IGSF3: variants seen among roughly 807,000 people sequenced by gnomAD.
IGSF3 encodes the protein immunoglobulin superfamily member 3.
IGSF3 carries 23 observed loss-of-function variants against 114.4 expected under a neutral mutation model. That is an observed-to-expected ratio of 0.20 (90% confidence interval 0.14 to 0.28). IGSF3 has a LOEUF of 0.28. Among genes scored for constraint, IGSF3 ranks in the 10% least tolerant of loss-of-function variants. IGSF3 has a pLI of 1.00. For synonymous variants in IGSF3, 571 were observed against 645.2 expected, an observed-to-expected ratio of 0.88 and a Z score of 1.74; for missense variants, 1,172 against 1,591.5, an observed-to-expected ratio of 0.74 and a Z score of 4.48.
rs1289544447 is a variant in IGSF3 at position 116,592,746 on chromosome 1, G to A, written c.2030-3642C>T. On this transcript the variant is annotated intron_variant, in intron 7 of 10. Transcript: ENST00000369486. This position sits in a 1 kb window ranked among gnomAD's most constrained non-coding sequence, Gnocchi z 4.5. ...AGCTGTGTTACTGCTGCCTTACAAC[G>A]AAGGTAATTCTTAAAATCTTCTCTT... Among the ~76,000 whole-genome samples, 6 of 152,164 alleles carry A rather than the reference G, an allele frequency of 3.9e-5. No homozygotes were observed. Among genetic ancestry groups the A allele is most frequent in the East Asian group, 1.9e-4 (1 of 5,194 alleles).
Position 116,594,491 on chromosome 1 carries a change from G to A in IGSF3, c.2030-5387C>T, listed in dbSNP as rs768372608. Among the ~76,000 whole-genome samples, 132 of 152,034 alleles carry A rather than the reference G, an allele frequency of 8.7e-4. No individual in the cohort carries two copies. The highest frequency in any genetic ancestry group is 1.6e-3 in the Non-Finnish European group (109 of 67,994). On this transcript the variant is annotated intron_variant, in intron 7 of 10. Transcript: ENST00000369486. The surrounding 1 kb of genome is among the most constrained non-coding windows in gnomAD (Gnocchi z 5.2). ...CATTTATTTAGCAAACTTTCATCTGGTCCTATGTGCTCAGCACTATTCTAA... is the reference window on the plus strand; with the variant it reads ...CATTTATTTAGCAAACTTTCATCTGATCCTATGTGCTCAGCACTATTCTAA...
intron 2 of IGSF3, among the ~76,000 whole-genome samples, chr1:116,663,790 A>G (rs1649215730): frequency 6.6e-6 from 1 of 152,078 alleles, no homozygotes. Flanking sequence ...TCTAACTAAA[A>G]TTGCCATTTC....
rs1648467307 is a variant in IGSF3, at chr1:116,647,878, C to T, written c.43+18406G>A. On this transcript the variant is annotated intron_variant, in intron 2 of 10. Coordinates refer to ENST00000369486, the MANE Select transcript of IGSF3 (RefSeq NM_001007237.3). The surrounding 1 kb of genome is among the most constrained non-coding windows in gnomAD (Gnocchi z 4.6). ...AAGCACTTTGGGAGGCCAAGGCGGG[C>T]GGATCACCTGAGGTCAGGAGTTCAA... Among the ~76,000 whole-genome samples the T allele has an allele frequency of 1.3e-5, 2 of 152,136 alleles. No individual in the cohort carries two copies. Among genetic ancestry groups the T allele is most frequent in the Non-Finnish European group, 2.9e-5 (2 of 68,020 alleles).
chr1:116,588,905 AGTACC>A lies in IGSF3; in HGVS notation c.2224_2228del (p.Gly742LeufsTer14). ...CTCTCAGGCCCTCCTCCTCGGCGTA[AGTACC>A]GTATTCAAAGGCGGAGTTGTGGGTG... On this transcript the variant is annotated frameshift_variant, in exon 8 of 11. Transcript: ENST00000369486. LOFTEE classifies it high-confidence loss of function. This position sits in a 1 kb window ranked among gnomAD's most constrained non-coding sequence, Gnocchi z 4.9. 1 of 1,614,194 alleles carries A rather than the reference AGTACC, an allele frequency of 6.2e-7. No individual in the cohort carries two copies. Among genetic ancestry groups the A allele is most frequent in the Non-Finnish European group, 8.5e-7 (1 of 1,180,030 alleles).
intron 2 of IGSF3, among the ~76,000 whole-genome samples, chr1:116,635,184 G>A (rs1437951391): frequency 1.3e-5 from 2 of 152,168 alleles, no homozygotes; most frequent in African/African-American, 4.8e-5. Flanking sequence ...AAATGTCTAG[G>A]CCCCATCTGT....
rs1197329136 is a variant in IGSF3, at chr1:116,596,796, T to G, written c.2029+3145A>C. ...TTACTATGGCACACTGGGCAATTTA[T>G]GTAACTTCTGTGTCAGTGTCCTCAT... On this transcript the variant is annotated intron_variant, in intron 7 of 10. Transcript: ENST00000369486. This position sits in a 1 kb window ranked among gnomAD's most constrained non-coding sequence, Gnocchi z 4.1. 1.3e-5 allele frequency among the ~76,000 whole-genome samples: 2 copies of G among 152,234 alleles called. No homozygotes were observed. The highest frequency in any genetic ancestry group is 2.4e-5 in the African/African-American group (1 of 41,462).
chr1:116,639,123 C>T (rs1307500128), intron 2 of IGSF3, among the ~76,000 whole-genome samples: 1 of 152,194 alleles, frequency 6.6e-6, no homozygotes, highest in East Asian at 1.9e-4. Context: ...AGCCCAGGGA[C>T]AGGTGAGGCA....
chr1:116,643,806 C>T (rs2101058721), intron 2 of IGSF3, among the ~76,000 whole-genome samples: 1 of 152,348 alleles, frequency 6.6e-6, no homozygotes, highest in South Asian at 2.1e-4. Flanking sequence ...AGTGAGGATG[C>T]TGAAGTCCAG....
In IGSF3 at chr1:116,588,501, G is replaced by A. The variant is rs1435585205; in HGVS notation, c.2440+193C>T. On this transcript the variant is annotated intron_variant, in intron 8 of 10. Coordinates refer to ENST00000369486, the MANE Select transcript of IGSF3 (RefSeq NM_001007237.3). This position sits in a 1 kb window ranked among gnomAD's most constrained non-coding sequence, Gnocchi z 4.9. ...GGATGCTTCCATGAGTCTGCCGTCA[G>A]CATCAGGACCCACTGCAGGTAAAAT... 6.6e-6 allele frequency among the ~76,000 whole-genome samples: 1 copy of A among 152,174 alleles called. No homozygotes were observed. Among genetic ancestry groups the A allele is most frequent in the African/African-American group, 2.4e-5 (1 of 41,426 alleles).
chr1:116,608,061 T>C lies in IGSF3; in HGVS notation c.1103A>G (p.Gln368Arg), dbSNP rs772294444. The C allele has an allele frequency of 5.0e-6, 8 of 1,613,988 alleles. No homozygotes were observed. Among genetic ancestry groups the C allele is most frequent in the South Asian group, 1.1e-5 (1 of 91,074 alleles). ...VFVLKIYHLR[Q>R]EDSGKYNCRV... The stretch of plus-strand genomic sequence containing the variant: ...GCAGTTGTATTTCCCGCTATCTTCC[T>C]GGCGGAGGTGGTAGATCTTCAGCAC... The change falls in exon 5 of 11, where the codon CAG (glutamine) becomes CGG (arginine). Residue 368 changes from glutamine to arginine, a missense_variant. Gln to Arg is a conservative substitution (Grantham distance 43). Around this residue, in one of 3 missense-constraint regions of IGSF3, gnomAD observed 736 missense variants for 1,042.0 expected, o/e 0.71. Coordinates refer to ENST00000369486, the MANE Select transcript of IGSF3 (RefSeq NM_001007237.3).
At chr1:116,640,911 A>G (rs1199748368) in intron 2 of IGSF3, among the ~76,000 whole-genome samples, 1 of 152,254 alleles carries the variant, frequency 6.6e-6, no homozygotes, top group African/African-American at 2.4e-5. Context: ...CTTTTCACCA[A>G]TCAGATATAA....
chr1:116,649,735 C>T lies in IGSF3; in HGVS notation c.43+16549G>A, dbSNP rs1386210061. On this transcript the variant is annotated intron_variant, in intron 2 of 10. Coordinates refer to ENST00000369486, the MANE Select transcript of IGSF3 (RefSeq NM_001007237.3). This position sits in a 1 kb window ranked among gnomAD's most constrained non-coding sequence, Gnocchi z 4.5. Reference sequence around the variant, plus strand: ...AGCTACTTAATCCTTATCCTTCTTCCCAAGGCCCACTTTCATTCCTTTCTC... The same window carrying T: ...AGCTACTTAATCCTTATCCTTCTTCTCAAGGCCCACTTTCATTCCTTTCTC... Among the ~76,000 whole-genome samples the T allele has an allele frequency of 6.6e-6, 1 of 152,172 alleles. No homozygotes were observed. Among genetic ancestry groups the T allele is most frequent in the African/African-American group, 2.4e-5 (1 of 41,436 alleles).
chr1:116,643,446 T>C (rs147330629), intron 2 of IGSF3, among the ~76,000 whole-genome samples: 1 of 152,364 alleles, frequency 6.6e-6, no homozygotes, highest in African/African-American at 2.4e-5. Flanking sequence ...GTCGTTTGTG[T>C]CTGGACTCCC....
Position 116,598,081 on chromosome 1 carries a change from C to G in IGSF3, c.2029+1860G>C, listed in dbSNP as rs975746048. ...CAATGAACTAATTCTGTATTCTTCC[C>G]TTAGGCACTCCAGTCTTAGATTCCA... On this transcript the variant is annotated intron_variant, in intron 7 of 10. Coordinates refer to ENST00000369486, the MANE Select transcript of IGSF3 (RefSeq NM_001007237.3). This position sits in a 1 kb window ranked among gnomAD's most constrained non-coding sequence, Gnocchi z 4.3. 4.6e-5 allele frequency among the ~76,000 whole-genome samples: 7 copies of G among 152,200 alleles called. No individual in the cohort carries two copies. Among genetic ancestry groups the G allele is most frequent in the African/African-American group, 1.7e-4 (7 of 41,432 alleles).
In IGSF3 at chr1:116,661,043, A is replaced by G. The variant is rs770617951; in HGVS notation, c.43+5241T>C. Reference sequence around the variant, plus strand: ...TGTGGTAGCTCACGCCTGTAATTTCAGCATTTTGGGAGGCCAAGGCAGGCG... The same window carrying G: ...TGTGGTAGCTCACGCCTGTAATTTCGGCATTTTGGGAGGCCAAGGCAGGCG... On this transcript the variant is annotated intron_variant, in intron 2 of 10. Coordinates refer to ENST00000369486, the MANE Select transcript of IGSF3 (RefSeq NM_001007237.3). This position sits in a 1 kb window ranked among gnomAD's most constrained non-coding sequence, Gnocchi z 4.0. Among the ~76,000 whole-genome samples, 257 of 152,302 alleles carry G rather than the reference A, an allele frequency of 1.7e-3. 1 individual carries two copies. Among genetic ancestry groups the G allele is most frequent in the Non-Finnish European group, 3.0e-3 (203 of 68,030 alleles).
At position 116,584,705 on chromosome 1, in the gene IGSF3, T is replaced by G. The variant is rs1167282470; in HGVS notation, c.2788A>C (p.Met930Leu). 1.2e-5 allele frequency: 19 copies of G among 1,613,738 alleles called. No individual in the cohort carries two copies. The highest frequency in any genetic ancestry group is 3.3e-4 in the Middle Eastern group (2 of 6,082). Reference sequence around the variant, plus strand: ...GTGTCCTCTGCCCGCTTATACCACATGCCACTGGGGCTGGGCAGCCACTCC... The same window carrying G: ...GTGTCCTCTGCCCGCTTATACCACAGGCCACTGGGGCTGGGCAGCCACTCC... The part of the protein sequence containing the change: ...VEEWLPSPSG[M>L]WYKRAEDTAG... The change falls in exon 9 of 11, where the codon ATG becomes CTG. Residue 930 changes from methionine (M) to leucine (L), a missense_variant. Physicochemically the swap from Met to Leu is conservative, Grantham distance 15 (BLOSUM62 2). Transcript: ENST00000369486. The surrounding 1 kb of genome is among the most constrained non-coding windows in gnomAD (Gnocchi z 5.8).
intron 6 of IGSF3, among the ~76,000 whole-genome samples, chr1:116,601,684 A>G (rs551021878): frequency 6.6e-6 from 1 of 152,352 alleles, no homozygotes; most frequent in African/African-American, 2.4e-5. Context: ...AATTTGCTGA[A>G]AACTCTGGAC....
chr1:116,659,710 G>C (rs1247422725), intron 2 of IGSF3, among the ~76,000 whole-genome samples: 2 of 152,132 alleles, frequency 1.3e-5, no homozygotes, highest in South Asian at 2.1e-4. Context: ...AACCTTCTGG[G>C]CTCAACCAAT....
In IGSF3 at chr1:116,650,159, G is replaced by A. The variant is rs1453595127; in HGVS notation, c.43+16125C>T. ...CTGTTTCATGCTCCTTTGAGGGAGT[G>A]TCTAACATAGGTTAGACACTATAAG... On this transcript the variant is annotated intron_variant, in intron 2 of 10. Transcript: ENST00000369486. This position sits in a 1 kb window ranked among gnomAD's most constrained non-coding sequence, Gnocchi z 5.0. Among the ~76,000 whole-genome samples, 1 of 152,210 alleles carries A rather than the reference G, an allele frequency of 6.6e-6. No individual in the cohort carries two copies. Among genetic ancestry groups the A allele is most frequent in the Non-Finnish European group, 1.5e-5 (1 of 68,038 alleles).
Sources: allele counts gnomAD v4.1 joint callset (sites outside exome capture counted in the v4.1 genomes callset), GRCh38; gene constraint gnomAD v4.1.1; regional missense constraint gnomAD v4.1.1; non-coding constraint Gnocchi (gnomAD v3.1); transcripts MANE v1.5; gene names NCBI Gene and HGNC (gene_info 2026-07-23, HGNC 2026-07-21).